The following RGS8 variants were observed in gnomAD, a reference collection of about 807,000 sequenced individuals.
RGS8 encodes the protein regulator of G-protein signaling 8.
Under a neutral mutation model 21.7 loss-of-function variants are expected in RGS8, and 8 were observed. The ratio of observed to expected loss-of-function variants is 0.37; its 90% confidence interval spans 0.22 to 0.66. The LOEUF is 0.66. RGS8 is among the 30% of genes least tolerant of loss of function. RGS8 has a pLI of 0.59. For synonymous variants in RGS8, 80 were observed against 83.6 expected, an observed-to-expected ratio of 0.96 and a Z score of 0.24; for missense variants, 157 against 217.9, an observed-to-expected ratio of 0.72 and a Z score of 1.76.
chr1:182,748,311 A>G, the RGS8 span, among the ~76,000 whole-genome samples: 2 of 152,102 alleles, frequency 1.3e-5, no homozygotes. Flanking sequence ...TCTATTCCCA[A>G]CTTCTATGTG....
intron 2 of RGS8, 84 bp from the exon 4 acceptor site, chr1:182,669,836 G>A: frequency 7.1e-7 from 1 of 1,401,658 alleles, no homozygotes; most frequent in East Asian, 2.6e-5. Flanking sequence ...GTTTCCGCCA[G>A]CGGAACACCT....
chr1:182,651,531 C>T (rs1258241291), intron 5 of RGS8, among the ~76,000 whole-genome samples: 1 of 152,212 alleles, frequency 6.6e-6, no homozygotes, highest in Non-Finnish European at 1.5e-5. Flanking sequence ...ACTGTTTCCA[C>T]TGAATATATA....
the RGS8 span, among the ~76,000 whole-genome samples, chr1:182,748,569 G>A: frequency 2.0e-5 from 3 of 152,298 alleles, no homozygotes; most frequent in Admixed American, 6.5e-5. Flanking sequence ...ATTAACACAA[G>A]AGTGCAGATA....
At chr1:182,681,552 A>G (rs1251397130) in intron 1 of RGS8, among the ~76,000 whole-genome samples, 1 of 152,224 alleles carries the variant, frequency 6.6e-6, no homozygotes, top group Non-Finnish European at 1.5e-5. Context: ...CATCAGACCC[A>G]GGAGTGGGGT....
the RGS8 span, among the ~76,000 whole-genome samples, chr1:182,746,656 A>AGAAAGAAAGAAAGAAGGAG: frequency 6.6e-6 from 1 of 152,084 alleles, no homozygotes; most frequent in East Asian, 1.9e-4. Context: ...TGTCAAAAAA[A>AGAAAGAAAGAAAGAAGGAG]GAAAGAAAGA....
At chr1:182,747,087 A>T in the RGS8 span, among the ~76,000 whole-genome samples, 1 of 19,800 alleles carries the variant, frequency 5.1e-5, no homozygotes, top group Non-Finnish European at 1.4e-4. Context: ...TTTTGTAGAG[A>T]TGGAGATCTC....
chr1:182,697,036 G>A, the RGS8 span, among the ~76,000 whole-genome samples: 1 of 152,298 alleles, frequency 6.6e-6, no homozygotes, highest in African/African-American at 2.4e-5. Context: ...AAGAGAAACA[G>A]CAGAAGTGCA....
the RGS8 span, among the ~76,000 whole-genome samples, chr1:182,750,298 A>G: frequency 6.6e-6 from 1 of 152,256 alleles, no homozygotes; most frequent in Non-Finnish European, 1.5e-5. Flanking sequence ...CCATGTCCAC[A>G]TTTTTTAGTT....
chr1:182,744,000 AC>A, the RGS8 span, among the ~76,000 whole-genome samples: 1 of 151,880 alleles, frequency 6.6e-6, no homozygotes, highest in Non-Finnish European at 1.5e-5. Flanking sequence ...TTGTTATCTG[AC>A]TCTCCACTGT....
the RGS8 span, among the ~76,000 whole-genome samples, chr1:182,719,443 T>C: frequency 2.0e-5 from 3 of 147,518 alleles, no homozygotes; most frequent in Non-Finnish European, 3.0e-5. Context: ...GTAAACTCTA[T>C]TTTTCTTTTT....
the RGS8 span, among the ~76,000 whole-genome samples, chr1:182,720,890 C>T: frequency 0.015 from 1,318 of 90,488 alleles, 15 homozygotes; most frequent in Non-Finnish European, 0.021. Flanking sequence ...TATATATATA[C>T]ACATATATAT....
the RGS8 span, among the ~76,000 whole-genome samples, chr1:182,742,511 C>A: frequency 6.6e-6 from 1 of 152,176 alleles, no homozygotes; most frequent in East Asian, 1.9e-4. Flanking sequence ...CCGAGGCTGG[C>A]GGATCACTCG....
the RGS8 span, among the ~76,000 whole-genome samples, chr1:182,722,997 A>T: frequency 4.2e-4 from 64 of 151,674 alleles, no homozygotes; most frequent in Middle Eastern, 0.024. Context: ...TAAATAAATA[A>T]AAATAAAAAT....
intron 3 of RGS8, among the ~76,000 whole-genome samples, chr1:182,667,421 G>A (rs1389722123): frequency 2.0e-5 from 3 of 152,158 alleles, no homozygotes; most frequent in Admixed American, 6.5e-5. Context: ...CAGGGTGCAG[G>A]GTGCATATCA....
chr1:182,703,984 C>A, the RGS8 span, among the ~76,000 whole-genome samples: 1 of 152,158 alleles, frequency 6.6e-6, no homozygotes, highest in Non-Finnish European at 1.5e-5. Context: ...TAGTTTCTGA[C>A]CTGAAGAAGT....
chr1:182,723,967 G>A, the RGS8 span, among the ~76,000 whole-genome samples: 2 of 151,934 alleles, frequency 1.3e-5, no homozygotes, highest in East Asian at 1.9e-4. Flanking sequence ...AGACTGCCAC[G>A]TGGTTGGATA....
Position 182,684,308 on chromosome 1 carries a change from A to C in RGS8, n.221+48T>G, listed in dbSNP as rs1664638382. On this transcript the variant is annotated intron_variant and non_coding_transcript_variant, in intron 1 of 4. Coordinates refer to the RGS8 transcript ENST00000515211. This position sits in a 1 kb window ranked among gnomAD's most constrained non-coding sequence, Gnocchi z 4.2. ...ACTTATAGCCTGGGCTGACCTGCCC[A>C]GGGACCCACTCAGGCCCTGATGGAA... is the stretch of plus-strand genomic sequence containing the variant. 6.6e-6 allele frequency: 1 copy of C among 152,416 alleles called. No individual in the cohort carries two copies. Among genetic ancestry groups the C allele is most frequent in the Non-Finnish European group, 1.5e-5 (1 of 68,188 alleles). The allele number at this position is 152,416 out of a possible 1,614,324, so 9.4% of individuals were successfully genotyped here.
chr1:182,717,546 C>A, the RGS8 span, among the ~76,000 whole-genome samples: 1 of 152,192 alleles, frequency 6.6e-6, no homozygotes, highest in African/African-American at 2.4e-5. Context: ...GACTTACCTG[C>A]AATTAAAAGA....
chr1:182,679,389 T>G (rs891723367), intron 1 of RGS8, among the ~76,000 whole-genome samples: 3 of 152,100 alleles, frequency 2.0e-5, no homozygotes, highest in African/African-American at 4.8e-5. Context: ...GACCATTCAT[T>G]TCTTGGATCT....
Sources: gnomAD v4.1 joint callset for allele counts (sites outside exome capture counted in the v4.1 genomes callset) on GRCh38, gnomAD v4.1.1 for gene constraint, Gnocchi (gnomAD v3.1) non-coding constraint, MANE v1.5 for transcripts, NCBI Gene and HGNC (gene_info 2026-07-23, HGNC 2026-07-21) for gene names.